The following CEP95 variants were observed in gnomAD, a reference collection of about 807,000 sequenced individuals.
CEP95 encodes the protein centrosomal protein 95, also known as centrosomal protein of 95 kDa.
A neutral mutation model predicts 111.2 loss-of-function variants in CEP95; 98 were observed. The observed-to-expected ratio is 0.88, with a 90% confidence interval of 0.75 to 1.04. The LOEUF (loss-of-function observed/expected upper bound fraction) is 1.04, where lower values mean the gene tolerates loss of function less well. Among genes scored for constraint, CEP95 ranks in the 50% least tolerant of loss-of-function variants. The pLI, the probability that CEP95 is intolerant of heterozygous loss-of-function variation, is 0.00. For missense variants in CEP95, 1,027 were observed against 977.2 expected (o/e 1.05, Z -0.68); for synonymous variants, 323 against 327.1 (o/e 0.99, Z 0.14).
At position 64,534,716 on chromosome 17, in the gene CEP95, A is replaced by C. The variant is rs2144546180; in HGVS notation, c.2049A>C (p.Arg683Ser). 3 of 1,612,654 alleles carry C rather than the reference A, an allele frequency of 1.9e-6. No homozygotes were observed. The highest frequency in any genetic ancestry group is 2.5e-6 in the Non-Finnish European group (3 of 1,179,238). Reference sequence around the variant, plus strand: ...TTCAGTTGTGTGCAAAAATGATGAGAATGAGGACCCGGGAAGAAATGGTAA... The same window carrying C: ...TTCAGTTGTGTGCAAAAATGATGAGCATGAGGACCCGGGAAGAAATGGTAA... The part of the protein sequence containing the change: ...YRVQLCAKMM[R>S]MRTREEMIFK... The change falls in exon 17 of 20, where the codon AGA (arginine) becomes AGC (serine). Residue 683 changes from arginine (R) to serine (S), a missense_variant. By Grantham distance (110) the Arg-to-Ser change is moderately radical. Coordinates refer to ENST00000556440, the MANE Select transcript of CEP95 (RefSeq NM_138363.3).
chr17:64,511,508 A>G (rs1032198263), intron 3 of CEP95, among the ~76,000 whole-genome samples: 20 of 152,228 alleles, frequency 1.3e-4, no homozygotes, highest in African/African-American at 4.3e-4. Flanking sequence ...CGGCTCACCA[A>G]CGGACAGAGT....
intron 2 of CEP95, 78 bp downstream of exon 2, chr17:64,508,798 A>G: frequency 1.7e-6 from 1 of 593,402 alleles, no homozygotes; most frequent in Non-Finnish European, 2.5e-6. Flanking sequence ...AGATTCTTTG[A>G]TATTTATAAA....
chr17:64,516,883 G>A, intron 5 of CEP95, 55 bp downstream of exon 5: 1 of 1,059,316 alleles, frequency 9.4e-7, no homozygotes, highest in Non-Finnish European at 1.4e-6. Context: ...TTTGGACTAA[G>A]AATTAAAATC....
At chr17:64,510,951 T>A (rs537938669) in intron 3 of CEP95, among the ~76,000 whole-genome samples, 1 of 152,294 alleles carries the variant, frequency 6.6e-6, no homozygotes, top group East Asian at 1.9e-4. Context: ...AGAGAGAAAT[T>A]TTAAAGCTGG....
intron 3 of CEP95, among the ~76,000 whole-genome samples, chr17:64,512,055 G>A (rs912109045): frequency 1.3e-5 from 2 of 152,184 alleles, no homozygotes; most frequent in Non-Finnish European, 2.9e-5. Context: ...TGCATACAGT[G>A]GACTGCTCTG....
At chr17:64,507,190 G>C (rs2038593056) in intron 1 of CEP95, 74 bp downstream of exon 1, 1 of 1,549,234 alleles carries the variant, frequency 6.5e-7, no homozygotes, top group African/African-American at 1.4e-5. Flanking sequence ...GGGCTAGCCC[G>C]GACTGGGTCT....
At chr17:64,507,629 G>C in intron 1 of CEP95, 1 of 988,648 alleles carries the variant, frequency 1.0e-6, no homozygotes, top group Non-Finnish European at 1.2e-6. Flanking sequence ...CTTTTGAAGA[G>C]CGAATTAATT....
intron 4 of CEP95, chr17:64,515,601 A>G (rs2039098765): frequency 6.6e-6 from 1 of 152,236 alleles, no homozygotes; most frequent in East Asian, 1.9e-4. Context: ...ACTGAAGGAT[A>G]TTCCCAGGGG....
intron 12 of CEP95, among the ~76,000 whole-genome samples, chr17:64,530,335 G>C (rs1192162315): frequency 6.6e-6 from 1 of 152,130 alleles, no homozygotes; most frequent in African/African-American, 2.4e-5. Context: ...GCAGTGAGCT[G>C]AGTTTGTGCC....
chr17:64,508,295 TA>T (rs1239110083), intron 1 of CEP95: 2 of 990,312 alleles, frequency 2.0e-6, no homozygotes, highest in African/African-American at 3.5e-5. Flanking sequence ...AACACCCATG[TA>T]AGGCTTATAT....
intron 8 of CEP95, among the ~76,000 whole-genome samples, chr17:64,524,505 G>A (rs973485634): frequency 1.3e-5 from 2 of 151,772 alleles, no homozygotes; most frequent in African/African-American, 2.4e-5. Flanking sequence ...TAGTAGAGAC[G>A]GGGTTTTGCC....
At chr17:64,520,276 T>C (rs1167952062) in intron 6 of CEP95, among the ~76,000 whole-genome samples, 1 of 152,130 alleles carries the variant, frequency 6.6e-6, no homozygotes, top group African/African-American at 2.4e-5. Flanking sequence ...GAATTGTGTT[T>C]AAGAGTAATG....
chr17:64,531,030 T>C lies in CEP95; in HGVS notation c.1539+12T>C. On this transcript the variant is annotated intron_variant, in intron 13 of 19. Coordinates refer to ENST00000556440, the MANE Select transcript of CEP95 (RefSeq NM_138363.3). ...AGGAGGAGGAAACAGTGGGTAAAAG[T>C]CTCCACTGTAATAAATGCCATTTGA... 2 of 1,450,278 alleles carry C rather than the reference T, an allele frequency of 1.4e-6. No homozygotes were observed. Among genetic ancestry groups the C allele is most frequent in the South Asian group, 2.5e-5 (2 of 80,514 alleles). 89.8% of individuals were successfully genotyped at this position (1,450,278 alleles called of 1,614,324 possible).
chr17:64,507,259 A>G (rs2038598659), intron 1 of CEP95, 143 bp downstream of exon 1: 13 of 1,505,028 alleles, frequency 8.6e-6, no homozygotes, highest in Non-Finnish European at 1.1e-5. Flanking sequence ...GGTTCCCTGG[A>G]TAGGGTCTCT....
intron 4 of CEP95, chr17:64,515,741 T>G (rs2039106591): frequency 6.6e-6 from 1 of 152,198 alleles, no homozygotes; most frequent in Admixed American, 6.5e-5. Flanking sequence ...TATACTTACC[T>G]GGCAATATTT....
chr17:64,527,034 T>C, intron 10 of CEP95, 77 bp from the exon 11 acceptor site: 1 of 1,199,190 alleles, frequency 8.3e-7, no homozygotes, highest in Non-Finnish European at 1.2e-6. Context: ...GGAAGCTTTT[T>C]TAAAGGTCTG....
At chr17:64,521,883 G>C (rs1377115789) in intron 7 of CEP95, among the ~76,000 whole-genome samples, 1 of 151,994 alleles carries the variant, frequency 6.6e-6, no homozygotes, top group Non-Finnish European at 1.5e-5. Flanking sequence ...TCGAGACAGA[G>C]TCTAGCTCTG....
At chr17:64,524,450 GCA>G (rs1370301030) in intron 8 of CEP95, among the ~76,000 whole-genome samples, 1 of 151,970 alleles carries the variant, frequency 6.6e-6, no homozygotes, top group Non-Finnish European at 1.5e-5. Flanking sequence ...GGGACTACAG[GCA>G]CACGTGCCAC....
In CEP95 at chr17:64,537,903, C is replaced by A; in HGVS notation, c.*124C>A. The stretch of plus-strand genomic sequence containing the variant: ...CAAATGCTTTACCTGTATTTTCATT[C>A]CAGTACTTTTTATGATTTTTTAAAT... On this transcript the variant is annotated 3_prime_UTR_variant, in exon 20 of 20. Transcript: ENST00000556440. 1 of 483,050 alleles carries A rather than the reference C, an allele frequency of 2.1e-6. No individual in the cohort carries two copies. The highest frequency in any genetic ancestry group is 3.4e-6 in the Non-Finnish European group (1 of 297,540). 29.9% of individuals were successfully genotyped at this position (483,050 alleles called of 1,614,324 possible).
Sources: gnomAD v4.1 joint callset for allele counts (sites outside exome capture counted in the v4.1 genomes callset) on GRCh38, gnomAD v4.1.1 for gene constraint, MANE v1.5 for transcripts, NCBI Gene and HGNC (gene_info 2026-07-23, HGNC 2026-07-21) for gene names.